Variants in RAB2A observed in about 807,000 individuals in gnomAD.
RAB2A encodes RAB2A, member RAS oncogene family, also known as ras-related protein Rab-2A.
In RAB2A, 7 loss-of-function variants were observed where a neutral mutation model predicts 32.5. The observed-to-expected ratio is 0.22, with a 90% CI of 0.12 to 0.40. The LOEUF is 0.40. Among genes scored for constraint, RAB2A ranks in the 10% least tolerant of loss-of-function variants. The pLI, the probability that RAB2A is intolerant of heterozygous loss-of-function variation, is 1.00. For synonymous variants in RAB2A, 79 were observed against 85.2 expected (o/e 0.93, Z 0.40); for missense variants, 108 against 260.7 (o/e 0.41, Z 4.03).
chr8:60,588,289 A>G (rs1803881146), intron 5 of RAB2A, among the ~76,000 whole-genome samples: 5 of 152,158 alleles, frequency 3.3e-5, no homozygotes, highest in Admixed American at 3.3e-4. Context: ...TCTCAAAAAA[A>G]AGAAATAAAG....
chr8:60,564,699 T>C (rs566696298), intron 2 of RAB2A, among the ~76,000 whole-genome samples: 1 of 152,304 alleles, frequency 6.6e-6, no homozygotes, highest in Non-Finnish European at 1.5e-5. Flanking sequence ...CCATACCGCA[T>C]TCATACCCAT....
rs1264091616 is a variant in RAB2A, at chr8:60,622,066, A to G, written c.*1297A>G. 6.6e-6 allele frequency: 1 copy of G among 152,004 alleles called. No homozygotes were observed. Among genetic ancestry groups the G allele is most frequent in the African/African-American group, 2.4e-5 (1 of 41,388 alleles). The allele number at this position is 152,004 out of a possible 1,614,324, so 9.4% of individuals were successfully genotyped here. Reference sequence around the variant, plus strand: ...TTTTTAGTCCACTTACAGCTTTTACATGGGTTTAAGCATGTTTTTTAAAAG... The same window carrying G: ...TTTTTAGTCCACTTACAGCTTTTACGTGGGTTTAAGCATGTTTTTTAAAAG... On this transcript the variant is annotated 3_prime_UTR_variant, in exon 8 of 8. Transcript: ENST00000262646.
At chr8:60,532,053 C>T (rs1477727037) in intron 1 of RAB2A, among the ~76,000 whole-genome samples, 8 of 152,166 alleles carry the variant, frequency 5.3e-5, no homozygotes, top group Admixed American at 5.2e-4. Context: ...GATCCACTCG[C>T]CTTGGCCTCC....
At chr8:60,607,451 G>T (rs1351824616) in intron 6 of RAB2A, among the ~76,000 whole-genome samples, 6 of 135,814 alleles carry the variant, frequency 4.4e-5, no homozygotes, top group African/African-American at 6.6e-5. Flanking sequence ...AAAAAAAAAG[G>T]TTTTTGTAGA....
Position 60,600,501 on chromosome 8 carries a change from C to G in RAB2A, c.474+8532C>G, listed in dbSNP as rs533532780. Among the ~76,000 whole-genome samples, 10 of 152,308 alleles carry G rather than the reference C, an allele frequency of 6.6e-5. 1 individual carries two copies. The highest frequency in any genetic ancestry group is 6.8e-3 in the Middle Eastern group (2 of 294). ...AGCCACTCTGGAAAAATGGCAGTTTCTTTAAACACTAAACATGCAGCTACC... is the reference window on the plus strand; with the variant it reads ...AGCCACTCTGGAAAAATGGCAGTTTGTTTAAACACTAAACATGCAGCTACC... On this transcript the variant is annotated intron_variant, in intron 6 of 7. Transcript: ENST00000262646.
intron 1 of RAB2A, among the ~76,000 whole-genome samples, chr8:60,526,635 A>C (rs1034523166): frequency 6.6e-6 from 1 of 152,066 alleles, no homozygotes; most frequent in African/African-American, 2.4e-5. Context: ...TTTTCCGCTT[A>C]CCATAAAGGC....
At chr8:60,526,404 C>G (rs1352434733) in intron 1 of RAB2A, among the ~76,000 whole-genome samples, 1 of 152,128 alleles carries the variant, frequency 6.6e-6, no homozygotes, top group African/African-American at 2.4e-5. Flanking sequence ...CTTCTTGTGT[C>G]TCATCTTTCT....
intron 1 of RAB2A, among the ~76,000 whole-genome samples, chr8:60,548,793 A>G (rs1807791182): frequency 6.9e-6 from 1 of 144,590 alleles, no homozygotes; most frequent in East Asian, 2.2e-4. Context: ...TCCCTCCCAG[A>G]CGGGGCGGCT....
At chr8:60,574,678 G>A (rs879693448) in intron 3 of RAB2A, among the ~76,000 whole-genome samples, 1 of 152,074 alleles carries the variant, frequency 6.6e-6, no homozygotes, top group African/African-American at 2.4e-5. Flanking sequence ...AGATTAACTC[G>A]TCATACATCA....
At chr8:60,566,781 T>C (rs1808120714) in intron 2 of RAB2A, among the ~76,000 whole-genome samples, 1 of 152,132 alleles carries the variant, frequency 6.6e-6, no homozygotes, top group Admixed American at 6.6e-5. Flanking sequence ...TTTTTTGGAG[T>C]TCCCAGTATC....
chr8:60,587,720 A>G (rs946915652), intron 5 of RAB2A, among the ~76,000 whole-genome samples: 2 of 152,192 alleles, frequency 1.3e-5, no homozygotes, highest in African/African-American at 4.8e-5. Flanking sequence ...CTTTAAAACA[A>G]TATGTTGTAC....
intron 1 of RAB2A, chr8:60,552,086 C>T (rs1807861248): frequency 7.5e-6 from 1 of 133,826 alleles, no homozygotes. Flanking sequence ...TCACTGCAAC[C>T]TCCGCCTACT....
chr8:60,616,610 G>A (rs1043649223), intron 6 of RAB2A, among the ~76,000 whole-genome samples: 1 of 152,236 alleles, frequency 6.6e-6, no homozygotes, highest in Non-Finnish European at 1.5e-5. Flanking sequence ...TCCCTCTTCA[G>A]TTTAGCTCTA....
chr8:60,587,378 C>G (rs1411422537), intron 5 of RAB2A, among the ~76,000 whole-genome samples: 1 of 152,038 alleles, frequency 6.6e-6, no homozygotes, highest in East Asian at 1.9e-4. Flanking sequence ...GGATCATAGA[C>G]CTAAGTGTGA....
chr8:60,598,982 TAAGA>T (rs1273983774), intron 6 of RAB2A, among the ~76,000 whole-genome samples: 99 of 52,798 alleles, frequency 1.9e-3, no homozygotes, highest in African/African-American at 4.4e-3. Flanking sequence ...GGCATACAAC[TAAGA>T]AAGGAAGAAA....
chr8:60,521,942 A>C (rs188403451), intron 1 of RAB2A, among the ~76,000 whole-genome samples: 40 of 152,286 alleles, frequency 2.6e-4, no homozygotes, highest in Middle Eastern at 3.4e-3. Context: ...TCTTTGATGC[A>C]AGTGATTTGG....
intron 1 of RAB2A, among the ~76,000 whole-genome samples, chr8:60,540,538 G>A (rs1807624719): frequency 6.6e-6 from 1 of 152,188 alleles, no homozygotes; most frequent in Admixed American, 6.5e-5. Flanking sequence ...GAAGTGCAAT[G>A]GCGCAATCTT....
chr8:60,537,076 C>T (rs1317107147), intron 1 of RAB2A, among the ~76,000 whole-genome samples: 1 of 152,172 alleles, frequency 6.6e-6, no homozygotes, highest in Non-Finnish European at 1.5e-5. Flanking sequence ...TTGGATTAGA[C>T]ACTACACAGT....
At chr8:60,612,351 A>G (rs1196539216) in intron 6 of RAB2A, among the ~76,000 whole-genome samples, 1 of 152,222 alleles carries the variant, frequency 6.6e-6, no homozygotes, top group African/African-American at 2.4e-5. Context: ...TAGGCTCCCT[A>G]CTTTCCTTTA....
Sources: gnomAD v4.1 joint callset for allele counts (sites outside exome capture counted in the v4.1 genomes callset) on GRCh38, gnomAD v4.1.1 for gene constraint, MANE v1.5 for transcripts, NCBI Gene and HGNC (gene_info 2026-07-23, HGNC 2026-07-21) for gene names.